The following NPFFR2 variants were observed in gnomAD, a reference collection of about 807,000 sequenced individuals.
The protein encoded by NPFFR2 is neuropeptide FF receptor 2.
NPFFR2 carries 15 observed loss-of-function variants against 13.1 expected under a neutral mutation model. The ratio of observed to expected loss-of-function variants is 1.15; its 90% CI spans 0.77 to 1.76. The LOEUF (loss-of-function observed/expected upper bound fraction) is 1.76, where lower values mean the gene tolerates loss of function less well. NPFFR2 is among the 40% of genes most tolerant of loss of function. The probability of loss-of-function intolerance (pLI) is 0.00; values close to 1 mark genes in which losing one functional copy is unlikely to be tolerated. For synonymous variants in NPFFR2, 190 were observed against 175.7 expected (o/e 1.08, Z -0.65); for missense variants, 572 against 503.5 (o/e 1.14, Z -1.30).
chr4:72,113,989 G>C (rs1033945743), intron 1 of NPFFR2, among the ~76,000 whole-genome samples: 1 of 152,024 alleles, frequency 6.6e-6, no homozygotes, highest in Non-Finnish European at 1.5e-5. Flanking sequence ...CTTTACCAGG[G>C]ACATTCTGTT....
intron 2 of NPFFR2, among the ~76,000 whole-genome samples, chr4:72,130,243 T>A (rs941397564): frequency 6.6e-5 from 10 of 152,130 alleles, no homozygotes; most frequent in Non-Finnish European, 1.3e-4. Context: ...TCAGGGCACA[T>A]GTAAGATGAT....
chr4:72,035,497 G>GC (rs34367497), intron 1 of NPFFR2, among the ~76,000 whole-genome samples: 50,217 of 151,816 alleles, frequency 0.33, 8,749 homozygotes, highest in East Asian at 0.67. Flanking sequence ...CCATAGTTTA[G>GC]CCCCCCCTAA....
chr4:72,101,323 G>T (rs1376962600), intron 1 of NPFFR2, among the ~76,000 whole-genome samples: 1 of 151,638 alleles, frequency 6.6e-6, no homozygotes, highest in Non-Finnish European at 1.5e-5. Context: ...TAAACATATC[G>T]ATATTGAATA....
chr4:72,041,192 T>G (rs539684700), intron 1 of NPFFR2, among the ~76,000 whole-genome samples: 1 of 152,288 alleles, frequency 6.6e-6, no homozygotes, highest in Non-Finnish European at 1.5e-5. Context: ...TGTGCCCATC[T>G]TTATATCTAT....
intron 1 of NPFFR2, among the ~76,000 whole-genome samples, chr4:72,081,054 C>T (rs939577932): frequency 6.6e-6 from 1 of 152,178 alleles, no homozygotes; most frequent in Admixed American, 6.6e-5. Context: ...CCTAGTGGTC[C>T]TCTGCTCCAG....
At chr4:72,106,353 G>A (rs943260644) in intron 1 of NPFFR2, among the ~76,000 whole-genome samples, 13 of 151,934 alleles carry the variant, frequency 8.6e-5, no homozygotes, top group African/African-American at 2.9e-4. Flanking sequence ...GCGAAGCTAG[G>A]GATGAGCGAC....
At chr4:72,052,605 ACAC>A (rs1451885259) in intron 1 of NPFFR2, among the ~76,000 whole-genome samples, 1 of 151,990 alleles carries the variant, frequency 6.6e-6, no homozygotes, top group Non-Finnish European at 1.5e-5. Context: ...ATGCCTTCTC[ACAC>A]CACTCCTATT....
At chr4:72,036,616 T>A (rs1453903683) in intron 1 of NPFFR2, among the ~76,000 whole-genome samples, 1 of 147,636 alleles carries the variant, frequency 6.8e-6, no homozygotes, top group East Asian at 2.0e-4. Context: ...AAATATATAG[T>A]ATATATATGA....
intron 1 of NPFFR2, among the ~76,000 whole-genome samples, chr4:72,071,540 C>T (rs754400824): frequency 1.3e-5 from 2 of 152,136 alleles, no homozygotes; most frequent in African/African-American, 4.8e-5. Context: ...GTATTGAAGG[C>T]TTGCAGTTGA....
chr4:72,037,783 C>A (rs78760772), intron 1 of NPFFR2, among the ~76,000 whole-genome samples: 10,148 of 152,146 alleles, frequency 0.067, 975 homozygotes, highest in East Asian at 0.48. Context: ...TTCCTTTGTT[C>A]CTGCTCTTTT....
chr4:72,123,563 C>T (rs1721952895), intron 1 of NPFFR2, among the ~76,000 whole-genome samples: 1 of 152,174 alleles, frequency 6.6e-6, no homozygotes, highest in African/African-American at 2.4e-5. Context: ...AAGTTTACCA[C>T]CATGATCAAG....
intron 1 of NPFFR2, among the ~76,000 whole-genome samples, chr4:72,108,901 A>G (rs1183810130): frequency 1.3e-5 from 2 of 152,010 alleles, no homozygotes; most frequent in South Asian, 2.1e-4. Flanking sequence ...CATGTTTTTA[A>G]TCAATGGGAG....
At chr4:72,093,833 T>G (rs28884189) in intron 1 of NPFFR2, among the ~76,000 whole-genome samples, 2,451 of 152,106 alleles carry the variant, frequency 0.016, 37 homozygotes, top group African/African-American at 0.044. Flanking sequence ...TTTTTTTTTT[T>G]TTGTTAATTC....
chr4:72,109,252 T>C (rs1303258209), intron 1 of NPFFR2, among the ~76,000 whole-genome samples: 1 of 152,054 alleles, frequency 6.6e-6, no homozygotes. Flanking sequence ...GCTTATTTAT[T>C]TTGCATAACT....
At chr4:72,097,660 G>T (rs1303846487) in intron 1 of NPFFR2, among the ~76,000 whole-genome samples, 1 of 152,042 alleles carries the variant, frequency 6.6e-6, no homozygotes, top group Non-Finnish European at 1.5e-5. Context: ...TTCACATCTA[G>T]AAGAAAAATC....
At chr4:72,075,189 T>A (rs1720390258) in intron 1 of NPFFR2, among the ~76,000 whole-genome samples, 1 of 152,040 alleles carries the variant, frequency 6.6e-6, no homozygotes, top group Non-Finnish European at 1.5e-5. Flanking sequence ...CATGAAAAGG[T>A]GAGACTGGCC....
At chr4:72,048,870 T>C (rs747799729) in intron 1 of NPFFR2, among the ~76,000 whole-genome samples, 8 of 152,100 alleles carry the variant, frequency 5.3e-5, no homozygotes, top group Admixed American at 2.0e-4. Flanking sequence ...CAAATAGTTA[T>C]ATTGCTTATA....
intron 1 of NPFFR2, among the ~76,000 whole-genome samples, chr4:72,076,420 A>G (rs1720439712): frequency 6.6e-6 from 1 of 152,108 alleles, no homozygotes; most frequent in South Asian, 2.1e-4. Context: ...TCTCCTTTTA[A>G]TAATATTGAG....
At chr4:72,141,744 G>C (rs1210354294) in intron 3 of NPFFR2, among the ~76,000 whole-genome samples, 1 of 152,160 alleles carries the variant, frequency 6.6e-6, no homozygotes, top group Non-Finnish European at 1.5e-5. Flanking sequence ...CTGTTGATTT[G>C]GGGTGGAGAG....
Sources: gnomAD v4.1 joint callset for allele counts (sites outside exome capture counted in the v4.1 genomes callset) on GRCh38, gnomAD v4.1.1 for gene constraint, MANE v1.5 for transcripts, NCBI Gene and HGNC (gene_info 2026-07-23, HGNC 2026-07-21) for gene names.